The following HS6ST3 variants were observed in gnomAD, a reference collection of about 807,000 sequenced individuals.
HS6ST3 encodes the protein heparan sulfate 6-O-sulfotransferase 3.
HS6ST3 carries 12 observed loss-of-function variants against 36.7 expected under a neutral mutation model. That is an observed-to-expected ratio of 0.33 (90% CI 0.21 to 0.53). The LOEUF (loss-of-function observed/expected upper bound fraction) is 0.53. Ranked by LOEUF, HS6ST3 falls within the 20% of genes least tolerant of loss-of-function variation. The pLI, the probability that HS6ST3 is intolerant of heterozygous loss-of-function variation, is 0.95. For synonymous variants in HS6ST3, 240 were observed against 257.5 expected (o/e 0.93, Z 0.65); for missense variants, 584 against 640.9 (o/e 0.91, Z 0.96).
intron 1 of HS6ST3, among the ~76,000 whole-genome samples, chr13:96,173,438 C>A (rs1295501396): frequency 6.6e-6 from 1 of 152,026 alleles, no homozygotes; most frequent in Non-Finnish European, 1.5e-5. Context: ...TGTGTCTGAG[C>A]ATCTGAGAAT....
chr13:96,495,988 C>G (rs899319770), intron 1 of HS6ST3, among the ~76,000 whole-genome samples: 2 of 152,182 alleles, frequency 1.3e-5, no homozygotes, highest in African/African-American at 4.8e-5. Context: ...GCCTCAACCC[C>G]GTGTTAATTG....
intron 1 of HS6ST3, among the ~76,000 whole-genome samples, chr13:96,685,944 G>A (rs934178962): frequency 1.3e-5 from 2 of 152,036 alleles, no homozygotes; most frequent in Non-Finnish European, 2.9e-5. Context: ...TAATGACAGT[G>A]ACAGACAAAA....
chr13:96,215,050 G>C (rs542417804), intron 1 of HS6ST3, among the ~76,000 whole-genome samples: 14 of 152,264 alleles, frequency 9.2e-5, no homozygotes, highest in African/African-American at 3.1e-4. Flanking sequence ...GGAGGGGGTC[G>C]TCAAACCACA....
At position 96,502,819 on chromosome 13, in the gene HS6ST3, G is replaced by A. The variant is rs967943280; in HGVS notation, c.708-329671G>A. ...TACCTATCTAAAATATTTTAGCCAA[G>A]CCATATATCTTGAATACCAATGAGA... is the stretch of plus-strand genomic sequence containing the variant. On this transcript the variant is annotated intron_variant, in intron 1 of 1. Transcript: ENST00000376705. Among the ~76,000 whole-genome samples, 5 of 152,236 alleles carry A rather than the reference G, an allele frequency of 3.3e-5. No individual in the cohort carries two copies. The South Asian group carries it at 1.0e-3, about 32-fold the overall frequency.
At chr13:96,307,836 G>A (rs917844664) in intron 1 of HS6ST3, among the ~76,000 whole-genome samples, 2 of 152,098 alleles carry the variant, frequency 1.3e-5, no homozygotes, top group Non-Finnish European at 2.9e-5. Flanking sequence ...CGATGAGAGG[G>A]AAGCTTGATT....
At chr13:96,583,966 G>A (rs963605192) in intron 1 of HS6ST3, among the ~76,000 whole-genome samples, 1 of 152,096 alleles carries the variant, frequency 6.6e-6, no homozygotes, top group Non-Finnish European at 1.5e-5. Context: ...AATGTCTTTA[G>A]GTATCACCAA....
chr13:96,240,864 A>G (rs1286648025), intron 1 of HS6ST3, among the ~76,000 whole-genome samples: 1 of 152,248 alleles, frequency 6.6e-6, no homozygotes, highest in African/African-American at 2.4e-5. Flanking sequence ...GCTTTTTCTT[A>G]GGCAAGGCCA....
At chr13:96,501,536 G>T (rs1486046467) in intron 1 of HS6ST3, among the ~76,000 whole-genome samples, 2 of 152,156 alleles carry the variant, frequency 1.3e-5, no homozygotes, top group African/African-American at 4.8e-5. Flanking sequence ...CTACTTCATA[G>T]GGCAGTTGTG....
chr13:96,306,585 G>A (rs1322468263), intron 1 of HS6ST3, among the ~76,000 whole-genome samples: 1 of 152,154 alleles, frequency 6.6e-6, no homozygotes, highest in African/African-American at 2.4e-5. Context: ...CCCTTTTAGA[G>A]TGACAGTGCT....
At chr13:96,796,235 A>G (rs1254947566) in intron 1 of HS6ST3, among the ~76,000 whole-genome samples, 1 of 152,066 alleles carries the variant, frequency 6.6e-6, no homozygotes, top group East Asian at 1.9e-4. Context: ...GAAAAGGGAA[A>G]CTTCACATTT....
intron 1 of HS6ST3, among the ~76,000 whole-genome samples, chr13:96,556,868 A>G (rs1337373455): frequency 1.3e-5 from 2 of 152,194 alleles, no homozygotes; most frequent in East Asian, 3.8e-4. Context: ...CCAATGCTAC[A>G]AGTGACATTA....
intron 1 of HS6ST3, among the ~76,000 whole-genome samples, chr13:96,301,995 A>T (rs1482318323): frequency 1.3e-5 from 2 of 151,152 alleles, no homozygotes; most frequent in Non-Finnish European, 3.0e-5. Flanking sequence ...GAAGAGATGC[A>T]TGTTAAACTA....
At chr13:96,260,725 G>A (rs918387769) in intron 1 of HS6ST3, among the ~76,000 whole-genome samples, 9 of 145,926 alleles carry the variant, frequency 6.2e-5, no homozygotes, top group Admixed American at 3.4e-4. Flanking sequence ...CAGTAACCTC[G>A]GCCTCCCAGG....
chr13:96,780,652 A>C (rs532534949), intron 1 of HS6ST3, among the ~76,000 whole-genome samples: 2 of 152,282 alleles, frequency 1.3e-5, no homozygotes, highest in South Asian at 4.1e-4. Context: ...CTGGCTGAGA[A>C]CACTAGTACA....
chr13:96,730,293 A>T (rs1482935599), intron 1 of HS6ST3, among the ~76,000 whole-genome samples: 1 of 151,174 alleles, frequency 6.6e-6, no homozygotes, highest in African/African-American at 2.4e-5. Context: ...TTTTTTTTAA[A>T]TTTTTTTTTG....
intron 1 of HS6ST3, among the ~76,000 whole-genome samples, chr13:96,161,055 G>A (rs1478840429): frequency 6.6e-6 from 1 of 152,074 alleles, no homozygotes; most frequent in Non-Finnish European, 1.5e-5. Flanking sequence ...TATTTGCCAA[G>A]TAGCATTTCT....
At chr13:96,420,260 A>G (rs535454307) in intron 1 of HS6ST3, among the ~76,000 whole-genome samples, 3 of 151,954 alleles carry the variant, frequency 2.0e-5, no homozygotes, top group African/African-American at 7.3e-5. Flanking sequence ...ATATGAGGGG[A>G]TTACGGTACA....
chr13:96,425,947 G>A (rs1047492673), intron 1 of HS6ST3, among the ~76,000 whole-genome samples: 3 of 151,258 alleles, frequency 2.0e-5, no homozygotes, highest in Non-Finnish European at 2.9e-5. Flanking sequence ...ATTCACACAC[G>A]TCTGCTTGGT....
chr13:96,469,129 T>C (rs1199696913), intron 1 of HS6ST3, among the ~76,000 whole-genome samples: 1 of 124,308 alleles, frequency 8.0e-6, no homozygotes, highest in Admixed American at 1.1e-4. Flanking sequence ...AGAATAACTG[T>C]TTTTCTTTAG....
Sources: gnomAD v4.1 joint callset for allele counts (sites outside exome capture counted in the v4.1 genomes callset) on GRCh38, gnomAD v4.1.1 for gene constraint, MANE v1.5 for transcripts, NCBI Gene and HGNC (gene_info 2026-07-23, HGNC 2026-07-21) for gene names.